Variants in TTC19 observed in about 807,000 individuals in gnomAD.
TTC19 encodes the protein tetratricopeptide repeat protein 19, mitochondrial.
In TTC19, 38 loss-of-function variants were observed where a neutral mutation model predicts 49.5. The ratio of observed to expected loss-of-function variants is 0.77; its 90% CI spans 0.59 to 1.01. TTC19 has a LOEUF of 1.01. TTC19 is among the 50% of genes least tolerant of loss of function. TTC19 has a pLI of 0.00. For missense variants in TTC19, 475 were observed against 477.7 expected (o/e 0.99, Z 0.05); for synonymous variants, 204 against 185.2 (o/e 1.10, Z -0.83).
At chr17:16,021,942 T>C (rs909164718) in intron 7 of TTC19, among the ~76,000 whole-genome samples, 5 of 152,182 alleles carry the variant, frequency 3.3e-5, no homozygotes, top group African/African-American at 1.2e-4. Flanking sequence ...AGACATCAAA[T>C]TTACAGGGTA....
chr17:16,002,029 ACT>A lies in TTC19; in HGVS notation c.423+7_423+8del. On this transcript the variant is annotated splice_donor_5th_base_variant and intron_variant, in intron 3 of 9. Transcript: ENST00000261647. ...CATCACTTACACTTATGATTTGGTA[ACT>A]CTTATAACCAGTCTGAACCACTGAT... The A allele has an allele frequency of 1.3e-6, 2 of 1,599,366 alleles. No individual in the cohort carries two copies. The highest frequency in any genetic ancestry group is 1.7e-6 in the Non-Finnish European group (2 of 1,169,386).
chr17:16,031,509 G>GT (rs1166344958), downstream of TTC19: 139 of 205,644 alleles, frequency 6.8e-4, no homozygotes, highest in Non-Finnish European at 2.9e-4. Context: ...ACCAGTGTGC[G>GT]TAACAGTGAG....
intron 3 of TTC19, 165 bp from the exon 4 acceptor site, chr17:16,002,626 CAT>C (rs755807927): frequency 2.2e-5 from 15 of 679,332 alleles, no homozygotes; most frequent in Admixed American, 4.4e-5. Context: ...TTAATTCTCA[CAT>C]GATTGCTGTC....
chr17:16,025,375 G>A (rs1971519560), intron 8 of TTC19, among the ~76,000 whole-genome samples: 2 of 152,146 alleles, frequency 1.3e-5, no homozygotes, highest in African/African-American at 4.8e-5. Context: ...CAGTTACTAG[G>A]TCTGCCCAGA....
intron 7 of TTC19, among the ~76,000 whole-genome samples, chr17:16,013,305 T>C (rs1971127343): frequency 6.6e-6 from 1 of 152,250 alleles, no homozygotes; most frequent in Admixed American, 6.5e-5. Context: ...AATTCATTTC[T>C]AATTTCCTTT....
At chr17:16,005,590 C>T (rs536416649) in intron 6 of TTC19, among the ~76,000 whole-genome samples, 79 of 152,316 alleles carry the variant, frequency 5.2e-4, no homozygotes, top group Middle Eastern at 3.4e-3. Context: ...AGCAGTCAGT[C>T]GGCCTGCTTG....
chr17:16,003,346 G>T (rs1004196981), intron 4 of TTC19, among the ~76,000 whole-genome samples: 1 of 152,080 alleles, frequency 6.6e-6, no homozygotes, highest in South Asian at 2.1e-4. Context: ...GACCTGCCAG[G>T]CTCAGTTGAT....
chr17:16,001,815 C>T, intron 2 of TTC19, 100 bp from the exon 3 acceptor site: 1 of 785,524 alleles, frequency 1.3e-6, no homozygotes, highest in South Asian at 1.4e-5. Context: ...GAGTTAGCTT[C>T]CTTCTATCAG....
rs111241994 is a variant in TTC19, at chr17:16,029,260, T to C, written c.*1738T>C. On this transcript the variant is annotated 3_prime_UTR_variant, in exon 10 of 10. Coordinates refer to ENST00000261647, the MANE Select transcript of TTC19 (RefSeq NM_017775.4). ...CACTAGGAGTTTTCAGGACAGTCTC[T>C]TCATGTGGGTGTTTTCATTACAGTT... is the stretch of plus-strand genomic sequence containing the variant. 1,240 of 453,810 alleles carry C rather than the reference T, an allele frequency of 2.7e-3. 16 individuals carry two copies. The highest frequency in any genetic ancestry group is 0.023 in the African/African-American group (1,170 of 50,090). 28.1% of individuals were successfully genotyped at this position (453,810 alleles called of 1,614,324 possible). A position where few individuals can be genotyped will look rare whatever the true frequency, so the allele number is the denominator to read the frequency against.
Position 16,028,344 on chromosome 17 carries a change from T to C in TTC19, c.*822T>C, listed in dbSNP as rs753084775. On this transcript the variant is annotated 3_prime_UTR_variant, in exon 10 of 10. Coordinates refer to ENST00000261647, the MANE Select transcript of TTC19 (RefSeq NM_017775.4). ...TCAGAATAGGCCCCTACAGGTATAT[T>C]TTAAAACTCTTCGTAATTCTAATGT... is the stretch of plus-strand genomic sequence containing the variant. The C allele has an allele frequency of 8.8e-6, 4 of 453,950 alleles. No individual in the cohort carries two copies. The highest frequency in any genetic ancestry group is 1.8e-5 in the Non-Finnish European group (4 of 226,776). The allele number at this position is 453,950 out of a possible 1,614,324, so 28.1% of individuals were successfully genotyped here.
chr17:16,012,601 T>A (rs897980820), intron 7 of TTC19, among the ~76,000 whole-genome samples: 2 of 151,802 alleles, frequency 1.3e-5, no homozygotes, highest in African/African-American at 4.8e-5. Flanking sequence ...TTCAATGGCA[T>A]GATCTCGGCT....
intron 8 of TTC19, 67 bp downstream of exon 8, chr17:16,025,238 T>C: frequency 2.0e-6 from 3 of 1,518,006 alleles, no homozygotes; most frequent in Non-Finnish European, 2.7e-6. Flanking sequence ...GTGTGAAATG[T>C]CACACTCATT....
rs1970749207 is a variant in TTC19, at chr17:16,001,944, G to T, written c.342G>T (p.Glu114Asp). The T allele has an allele frequency of 6.2e-7, 1 of 1,613,280 alleles. No individual in the cohort carries two copies. Among genetic ancestry groups the T allele is most frequent in the Admixed American group, 1.7e-5 (1 of 59,994 alleles). Reference sequence around the variant, plus strand: ...GCATTATGAAAGATGAGCCAGAAGAGGCTGAGTTAATTTTGCATGACGCTC... The same window carrying T: ...GCATTATGAAAGATGAGCCAGAAGATGCTGAGTTAATTTTGCATGACGCTC... ...KLSIMKDEPEEAELILHDALR... is the reference protein window; with the variant it reads ...KLSIMKDEPEDAELILHDALR... Residue 114 changes from glutamate to aspartate, a missense_variant, in exon 3 of 10, where the codon GAG (glutamate) becomes GAT (aspartate). Transcript: ENST00000261647.
chr17:16,013,156 A>G (rs1261374446), intron 7 of TTC19, among the ~76,000 whole-genome samples: 1 of 152,232 alleles, frequency 6.6e-6, no homozygotes, highest in Admixed American at 6.5e-5. Flanking sequence ...GTGAGCTATC[A>G]TAGTGCCACT....
intron 7 of TTC19, chr17:16,024,552 G>A (rs995221018): frequency 5.8e-5 from 10 of 171,656 alleles, no homozygotes; most frequent in South Asian, 1.2e-4. Flanking sequence ...TGATCCACCC[G>A]CCTCGGCCTC....
intron 8 of TTC19, 118 bp from the exon 9 acceptor site, chr17:16,026,422 C>T (rs754293671): frequency 5.2e-6 from 5 of 962,658 alleles, no homozygotes; most frequent in Non-Finnish European, 4.6e-6. Flanking sequence ...TATCCCTCAT[C>T]TTTTGTGGAA....
chr17:16,001,871 C>T (rs377200795), intron 2 of TTC19, 44 bp from the exon 3 acceptor site: 6 of 1,356,798 alleles, frequency 4.4e-6, no homozygotes, highest in Non-Finnish European at 6.3e-6. Flanking sequence ...GCATATGCAT[C>T]TACTATATGT....
intron 7 of TTC19, among the ~76,000 whole-genome samples, chr17:16,019,125 G>T (rs1021200494): frequency 6.6e-6 from 1 of 152,146 alleles, no homozygotes; most frequent in Non-Finnish European, 1.5e-5. Context: ...CTGAGGTTAG[G>T]AGTTCAAGAC....
chr17:16,029,462 A>C, downstream of TTC19: 1 of 281,790 alleles, frequency 3.5e-6, no homozygotes, highest in Non-Finnish European at 7.0e-6. Context: ...CACTCAGTGT[A>C]CCAAAATTAA....
Sources: gnomAD v4.1 joint callset for allele counts (sites outside exome capture counted in the v4.1 genomes callset) on GRCh38, gnomAD v4.1.1 for gene constraint, MANE v1.5 for transcripts, NCBI Gene and HGNC (gene_info 2026-07-23, HGNC 2026-07-21) for gene names.